Variants in ANKS1A observed in about 807,000 individuals in gnomAD.
ANKS1A encodes the protein ankyrin repeat and sterile alpha motif domain containing 1A.
A neutral mutation model predicts 120.3 loss-of-function variants in ANKS1A; 55 were observed. The observed-to-expected ratio is 0.46, with a 90% confidence interval of 0.37 to 0.57. ANKS1A has a LOEUF of 0.57. Among genes scored for constraint, ANKS1A ranks in the 20% least tolerant of loss-of-function variants. The probability of loss-of-function intolerance (pLI) is 0.00; values close to 1 mark genes in which losing one functional copy is unlikely to be tolerated. For synonymous variants in ANKS1A, 590 were observed against 604.7 expected, an observed-to-expected ratio of 0.98 and a Z score of 0.36; for missense variants, 1,123 against 1,480.3, an observed-to-expected ratio of 0.76 and a Z score of 3.96.
At chr6:34,917,373 C>T (rs1205177426) in intron 1 of ANKS1A, among the ~76,000 whole-genome samples, 1 of 152,182 alleles carries the variant, frequency 6.6e-6, no homozygotes, top group South Asian at 2.1e-4. Flanking sequence ...TAGAAGTCAG[C>T]GATGCTTTCT....
intron 1 of ANKS1A, among the ~76,000 whole-genome samples, chr6:34,963,111 C>T (rs1383998764): frequency 2.0e-5 from 3 of 152,272 alleles, no homozygotes; most frequent in Admixed American, 6.5e-5. Flanking sequence ...ATCCGCCTGC[C>T]TCAGCCTCCC....
intron 9 of ANKS1A, among the ~76,000 whole-genome samples, chr6:34,991,615 T>C (rs1561896492): frequency 6.7e-6 from 1 of 148,642 alleles, no homozygotes; most frequent in Admixed American, 6.8e-5. Flanking sequence ...TATATATACG[T>C]ATATACACAC....
chr6:35,032,293 G>T (rs961439711), intron 11 of ANKS1A, among the ~76,000 whole-genome samples: 28 of 152,248 alleles, frequency 1.8e-4, no homozygotes, highest in African/African-American at 4.6e-4. Context: ...ACAGTGTTGG[G>T]GCTCAGGAGA....
intron 1 of ANKS1A, among the ~76,000 whole-genome samples, chr6:34,922,694 C>CTTTTTTT (rs61568974): frequency 3.1e-5 from 4 of 127,850 alleles, no homozygotes; most frequent in African/African-American, 8.9e-5. Context: ...CTGGGCATTT[C>CTTTTTTT]TTTTTTTTTT....
intron 11 of ANKS1A, among the ~76,000 whole-genome samples, chr6:35,038,088 G>A (rs1375027955): frequency 6.6e-6 from 1 of 152,170 alleles, no homozygotes; most frequent in Non-Finnish European, 1.5e-5. Flanking sequence ...GGTAAGAGTA[G>A]TAGAAGACAG....
rs558217206 is a variant in ANKS1A, at chr6:34,998,928, C to T, written c.1423+4506C>T. On this transcript the variant is annotated intron_variant, in intron 10 of 23. Transcript: ENST00000360359. ...TAGCCTGCCCTGTGGAACATCCCTG[C>T]GGGGGACTCCAACCAGCCAAAGCAA... Among the ~76,000 whole-genome samples, 10 of 152,316 alleles carry T rather than the reference C, an allele frequency of 6.6e-5. No homozygotes were observed. The East Asian group carries it at 7.7e-4, about 12-fold the overall frequency.
intron 11 of ANKS1A, among the ~76,000 whole-genome samples, chr6:35,042,862 A>G (rs1775536881): frequency 6.6e-6 from 1 of 152,218 alleles, no homozygotes; most frequent in South Asian, 2.1e-4. Context: ...AGTGTTTCTA[A>G]TGTATCCTCC....
In ANKS1A at chr6:35,081,133, C is replaced by T. The variant is rs753878171; in HGVS notation, c.2684C>T (p.Ser895Phe). ...AGTCTCCATGACCCTGCGGCACCCTCCCGAGCGGAGCGCTTCAGGATCCAG... is the reference window on the plus strand; with the variant it reads ...AGTCTCCATGACCCTGCGGCACCCTTCCGAGCGGAGCGCTTCAGGATCCAG... Reference protein sequence around the residue: ...HDSLHDPAAPSRAERFRIQEE... With the variant: ...HDSLHDPAAPFRAERFRIQEE... The change falls in exon 17 of 24, where the codon TCC becomes TTC. Residue 895 changes from serine to phenylalanine, a missense_variant. Physicochemically the swap from Ser to Phe is radical, Grantham distance 155. Coordinates refer to ENST00000360359, the MANE Select transcript of ANKS1A (RefSeq NM_015245.3). 3 of 1,612,342 alleles carry T rather than the reference C, an allele frequency of 1.9e-6. No individual in the cohort carries two copies. Among genetic ancestry groups the T allele is most frequent in the South Asian group, 1.1e-5 (1 of 91,032 alleles).
At chr6:34,985,347 C>G in intron 8 of ANKS1A, 69 bp downstream of exon 8, 1 of 1,483,976 alleles carries the variant, frequency 6.7e-7, no homozygotes, top group Non-Finnish European at 9.2e-7. Context: ...TGATGGGGCA[C>G]GGGGAAGGGA....
At chr6:35,023,651 A>G (rs1774465275) in intron 11 of ANKS1A, 1 of 459,304 alleles carries the variant, frequency 2.2e-6, no homozygotes, top group African/African-American at 2.0e-5. Context: ...TATCACAAGC[A>G]GCAGTGGTAG....
At chr6:35,083,260 G>C in intron 19 of ANKS1A, 34 bp downstream of exon 19, 1 of 1,613,334 alleles carries the variant, frequency 6.2e-7, no homozygotes, top group Non-Finnish European at 8.5e-7. Context: ...GGGCGCTGTG[G>C]GACTGGCCAG....
intron 1 of ANKS1A, among the ~76,000 whole-genome samples, chr6:34,954,261 A>G (rs1224904776): frequency 1.3e-5 from 2 of 152,194 alleles, no homozygotes; most frequent in East Asian, 1.9e-4. Flanking sequence ...CTTGCCCAGT[A>G]TAGCAATAAC....
At chr6:34,990,965 T>C (rs1772473015) in intron 9 of ANKS1A, among the ~76,000 whole-genome samples, 1 of 152,214 alleles carries the variant, frequency 6.6e-6, no homozygotes, top group African/African-American at 2.4e-5. Context: ...TAGTTTGTAG[T>C]CTGAATGGTC....
chr6:35,034,930 G>A (rs1775084794), intron 11 of ANKS1A, among the ~76,000 whole-genome samples: 1 of 152,182 alleles, frequency 6.6e-6, no homozygotes, highest in Non-Finnish European at 1.5e-5. Context: ...AACTTAAAGG[G>A]GATATTTTAC....
At chr6:34,981,583 CT>C in intron 3 of ANKS1A, 106 bp from the exon 4 acceptor site, 1 of 1,221,274 alleles carries the variant, frequency 8.2e-7, no homozygotes, top group Non-Finnish European at 1.1e-6. Context: ...CCAAGTGTTG[CT>C]GCTATTTTTC....
chr6:34,924,090 C>CGTGTGT (rs71794086), intron 1 of ANKS1A, among the ~76,000 whole-genome samples: 12,473 of 143,154 alleles, frequency 0.087, 650 homozygotes, highest in East Asian at 0.21. Context: ...GGGGCTTTTT[C>CGTGTGT]GTGTGTGTGT....
intron 1 of ANKS1A, among the ~76,000 whole-genome samples, chr6:34,916,433 A>G (rs1768170533): frequency 6.6e-6 from 1 of 152,230 alleles, no homozygotes; most frequent in African/African-American, 2.4e-5. Context: ...ATGTGAAAAT[A>G]AAATTACTTT....
chr6:35,039,048 T>G (rs1465005073), intron 11 of ANKS1A, among the ~76,000 whole-genome samples: 2 of 150,982 alleles, frequency 1.3e-5, no homozygotes, highest in African/African-American at 2.4e-5. Context: ...TCCACACACC[T>G]TATTCACATT....
At chr6:34,892,151 T>G (rs1233343624) in intron 1 of ANKS1A, among the ~76,000 whole-genome samples, 1 of 152,176 alleles carries the variant, frequency 6.6e-6, no homozygotes, top group South Asian at 2.1e-4. Flanking sequence ...CTTCTGTGTC[T>G]TTTGTAGAGA....
Sources: gnomAD v4.1 joint callset for allele counts (sites outside exome capture counted in the v4.1 genomes callset) on GRCh38, gnomAD v4.1.1 for gene constraint, MANE v1.5 for transcripts, NCBI Gene and HGNC (gene_info 2026-07-23, HGNC 2026-07-21) for gene names.